The following SYN3 variants were observed in gnomAD, a reference collection of about 807,000 sequenced individuals.
SYN3 encodes the protein synapsin-3.
A neutral mutation model predicts 65.8 loss-of-function variants in SYN3; 35 were observed. The observed-to-expected ratio is 0.53, with a 90% CI of 0.41 to 0.70. The LOEUF (loss-of-function observed/expected upper bound fraction) is 0.70, where lower values mean the gene tolerates loss of function less well. SYN3 is among the 30% of genes least tolerant of loss of function. SYN3 has a pLI of 0.00. For missense variants in SYN3, 680 were observed against 749.0 expected, an observed-to-expected ratio of 0.91 and a Z score of 1.08; for synonymous variants, 270 against 292.9, an observed-to-expected ratio of 0.92 and a Z score of 0.80.
intron 3 of SYN3, among the ~76,000 whole-genome samples, chr22:32,932,400 C>T (rs907851048): frequency 7.9e-5 from 12 of 152,116 alleles, no homozygotes; most frequent in African/African-American, 2.9e-4. Context: ...ATGAGATACT[C>T]TTCCCTGAGA....
chr22:32,781,405 A>G (rs1253894863), intron 6 of SYN3, among the ~76,000 whole-genome samples: 3 of 152,168 alleles, frequency 2.0e-5, no homozygotes, highest in Non-Finnish European at 4.4e-5. Context: ...GAGCAAGGCT[A>G]TGTGGGTTTA....
intron 3 of SYN3, among the ~76,000 whole-genome samples, chr22:32,954,365 A>T (rs2051382516): frequency 6.6e-6 from 1 of 152,244 alleles, no homozygotes; most frequent in Admixed American, 6.5e-5. Context: ...CGACAGACCT[A>T]GAAACAAATT....
At chr22:32,875,094 C>T (rs1039135914) in intron 4 of SYN3, among the ~76,000 whole-genome samples, 11 of 152,182 alleles carry the variant, frequency 7.2e-5, no homozygotes, top group East Asian at 1.9e-4. Flanking sequence ...CCCGCCAGCC[C>T]GAGGACTGCA....
intron 3 of SYN3, among the ~76,000 whole-genome samples, chr22:32,940,049 G>T (rs1423207510): frequency 6.6e-6 from 1 of 152,130 alleles, no homozygotes; most frequent in East Asian, 1.9e-4. Context: ...CCATTCTTCA[G>T]GTGGGTTGTG....
At chr22:32,972,328 G>A (rs1056178651) in intron 3 of SYN3, among the ~76,000 whole-genome samples, 1 of 152,210 alleles carries the variant, frequency 6.6e-6, no homozygotes, top group African/African-American at 2.4e-5. Flanking sequence ...AGGCAGGTCT[G>A]CATATACTCT....
chr22:33,012,801 A>G (rs2053380248), intron 1 of SYN3, among the ~76,000 whole-genome samples: 1 of 152,230 alleles, frequency 6.6e-6, no homozygotes, highest in Non-Finnish European at 1.5e-5. Flanking sequence ...GCAGCTCTCC[A>G]CTTGAGTTCC....
At chr22:32,888,098 T>C (rs1163141712) in intron 4 of SYN3, among the ~76,000 whole-genome samples, 1 of 152,214 alleles carries the variant, frequency 6.6e-6, no homozygotes, top group Non-Finnish European at 1.5e-5. Flanking sequence ...TCATTTCACA[T>C]GCTTGTTGGC....
chr22:32,618,572 C>CGT (rs2059552707), intron 6 of SYN3, among the ~76,000 whole-genome samples: 1 of 149,924 alleles, frequency 6.7e-6, no homozygotes, highest in African/African-American at 2.5e-5. Flanking sequence ...ATTTTCCCCC[C>CGT]TTTCATTCTG....
rs555038513 is a variant in SYN3 at position 32,788,973 on chromosome 22, C to T, written c.711+75942G>A. Among the ~76,000 whole-genome samples the T allele has an allele frequency of 3.3e-5, 5 of 152,282 alleles. No individual in the cohort carries two copies. The East Asian group carries it at 9.7e-4, about 30-fold the overall frequency. ...CCTCCTCCTTGCCACATGCTGCCCC[C>T]CCACCCCCAACAAGCCAGATGCCAG... On this transcript the variant is annotated intron_variant, in intron 6 of 13. Coordinates refer to ENST00000358763, the MANE Select transcript of SYN3 (RefSeq NM_003490.4).
At chr22:32,966,185 G>C (rs891671110) in intron 3 of SYN3, among the ~76,000 whole-genome samples, 1 of 152,180 alleles carries the variant, frequency 6.6e-6, no homozygotes, top group African/African-American at 2.4e-5. Flanking sequence ...GGTATGAGGT[G>C]CTAGGGGAGT....
intron 6 of SYN3, among the ~76,000 whole-genome samples, chr22:32,734,428 G>A (rs1569182001): frequency 6.6e-6 from 1 of 152,188 alleles, no homozygotes; most frequent in African/African-American, 2.4e-5. Context: ...GAGGGATGGG[G>A]GCAGAGACAC....
chr22:32,591,447 G>T (rs756131437), intron 7 of SYN3, among the ~76,000 whole-genome samples: 1 of 152,076 alleles, frequency 6.6e-6, no homozygotes, highest in African/African-American at 2.4e-5. Context: ...TTACTTTTCC[G>T]TTCTTGTACC....
intron 7 of SYN3, among the ~76,000 whole-genome samples, chr22:32,586,086 ATATATGTATATATGTATACATG>A (rs1268302510): frequency 1.1e-4 from 11 of 96,526 alleles, no homozygotes; most frequent in Middle Eastern, 5.6e-3. Context: ...GTATACATGT[ATATATGTATATATGTATACATG>A]TATATGTATA....
At chr22:32,591,965 T>C (rs2059133660) in intron 7 of SYN3, among the ~76,000 whole-genome samples, 3 of 152,222 alleles carry the variant, frequency 2.0e-5, no homozygotes, top group African/African-American at 7.2e-5. Flanking sequence ...GGATCCATTA[T>C]CACGGAATGT....
chr22:32,963,896 A>C (rs2051739878), intron 3 of SYN3, among the ~76,000 whole-genome samples: 3 of 152,192 alleles, frequency 2.0e-5, no homozygotes, highest in Non-Finnish European at 2.9e-5. Flanking sequence ...CAATGAATGC[A>C]AAGTTTGGGG....
At chr22:32,885,587 G>T (rs952768648) in intron 4 of SYN3, among the ~76,000 whole-genome samples, 1 of 151,290 alleles carries the variant, frequency 6.6e-6, no homozygotes, top group Non-Finnish European at 1.5e-5. Flanking sequence ...TTGAGATAGA[G>T]TCTCGCTCTG....
chr22:32,748,827 C>A (rs562337465), intron 6 of SYN3, among the ~76,000 whole-genome samples: 33 of 152,180 alleles, frequency 2.2e-4, no homozygotes, highest in Non-Finnish European at 3.7e-4. Context: ...CCCAGTAACA[C>A]CTGTGGCCTC....
chr22:32,535,907 T>C (rs765592662), intron 9 of SYN3, among the ~76,000 whole-genome samples: 47 of 152,280 alleles, frequency 3.1e-4, no homozygotes, highest in South Asian at 6.2e-4. Context: ...GGTCAGGCCC[T>C]GTGTATGAGT....
At chr22:32,730,809 C>T (rs926357911) in intron 6 of SYN3, among the ~76,000 whole-genome samples, 5 of 152,218 alleles carry the variant, frequency 3.3e-5, no homozygotes, top group African/African-American at 1.2e-4. Flanking sequence ...CAACACATCA[C>T]TTGCCACTCT....
Sources: allele counts gnomAD v4.1 joint callset (sites outside exome capture counted in the v4.1 genomes callset), GRCh38; gene constraint gnomAD v4.1.1; transcripts MANE v1.5; gene names NCBI Gene and HGNC (gene_info 2026-07-23, HGNC 2026-07-21).